MFAP5: variants seen among roughly 807,000 people sequenced by gnomAD.
MFAP5 encodes the protein microfibrillar-associated protein 5.
Under a neutral mutation model 30.1 loss-of-function variants are expected in MFAP5, and 19 were observed. That is an observed-to-expected ratio of 0.63 (90% CI 0.44 to 0.93). The LOEUF is 0.93. Ranked by LOEUF, MFAP5 falls within the 40% of genes least tolerant of loss-of-function variation. MFAP5 has a pLI of 0.00. For synonymous variants in MFAP5, 92 were observed against 72.9 expected, an observed-to-expected ratio of 1.26 and a Z score of -1.33; for missense variants, 210 against 221.3, an observed-to-expected ratio of 0.95 and a Z score of 0.32.
intron 3 of MFAP5, among the ~76,000 whole-genome samples, chr12:8,658,232 C>T (rs12298998): frequency 0.033 from 5,025 of 152,118 alleles, 249 homozygotes; most frequent in African/African-American, 0.11. Context: ...TGCCTGTAGT[C>T]CCAATTACTC....
rs61055144 is a variant in MFAP5 at position 8,654,126 on chromosome 12, C to CAA, written c.217+309_217+310dup. ...GGACGACAAGAGCAATAATCCGTCT[C>CAA]AAAAAAAAAAAAAAAAAAAATTCAG... On this transcript the variant is annotated intron_variant, in intron 6 of 9. Coordinates refer to ENST00000359478, the MANE Select transcript of MFAP5 (RefSeq NM_003480.4). 11,769 of 112,792 alleles carry CAA rather than the reference C, an allele frequency of 0.1. 481 individuals are homozygous for CAA. The highest frequency in any genetic ancestry group is 0.16 in the African/African-American group (3,571 of 22,812). 7.0% of individuals were successfully genotyped at this position (112,792 alleles called of 1,614,324 possible).
intron 3 of MFAP5, among the ~76,000 whole-genome samples, chr12:8,659,327 A>G (rs1452016015): frequency 6.6e-6 from 1 of 151,336 alleles, no homozygotes; most frequent in Non-Finnish European, 1.5e-5. Flanking sequence ...AAAAAAATAA[A>G]AGGGTCTCAC....
At chr12:8,654,116 T>G (rs56941823) in intron 6 of MFAP5, 15,325 of 202,368 alleles carry the variant, frequency 0.076, 682 homozygotes, top group African/African-American at 0.13. Flanking sequence ...ACAAGAGCAA[T>G]AATCCGTCTC....
At chr12:8,661,996 G>C in intron 2 of MFAP5, 51 bp downstream of exon 2, 1 of 1,535,732 alleles carries the variant, frequency 6.5e-7, no homozygotes, top group Non-Finnish European at 9.0e-7. Context: ...TGCCACACAC[G>C]TGTATAGCTG....
chr12:8,661,697 T>C (rs1374959454), intron 2 of MFAP5, among the ~76,000 whole-genome samples: 2 of 152,044 alleles, frequency 1.3e-5, no homozygotes, highest in Non-Finnish European at 2.9e-5. Flanking sequence ...TCTTTCTAGG[T>C]AGTCCCTCCT....
chr12:8,662,297 T>G, intron 1 of MFAP5, 191 bp from the exon 2 acceptor site: 2 of 574,942 alleles, frequency 3.5e-6, no homozygotes, highest in Non-Finnish European at 6.1e-6. Context: ...CTCAAATCTA[T>G]TCCTTGGTCA....
Position 8,650,545 on chromosome 12 carries a change from G to A in MFAP5, c.292C>T (p.His98Tyr), listed in dbSNP as rs1565522628. The change falls in exon 8 of 10, where the codon CAT becomes TAT. Residue 98 changes from histidine to tyrosine, a missense_variant. By Grantham distance (83) the His-to-Tyr change is moderately conservative. Coordinates refer to ENST00000359478, the MANE Select transcript of MFAP5 (RefSeq NM_003480.4). The part of the protein sequence containing the change: ...KFTCTRLYSV[H>Y]RPVKQCIHQL... ...TGAATGCATTGTTTAACCGGCCGAT[G>A]CACAGAGTAGAGCCTTGTGCAGGTA... The A allele has an allele frequency of 4.3e-6, 7 of 1,614,002 alleles. No homozygotes were observed. The highest frequency in any genetic ancestry group is 5.9e-6 in the Non-Finnish European group (7 of 1,180,030).
chr12:8,648,285 C>T (rs921070408), intron 9 of MFAP5, 82 bp from the exon 10 acceptor site: 7 of 1,204,714 alleles, frequency 5.8e-6, no homozygotes, highest in Non-Finnish European at 7.1e-6. Flanking sequence ...GAAGACTTTT[C>T]AGTGTGGTGT....
chr12:8,656,094 T>A (rs1941975393), intron 3 of MFAP5, among the ~76,000 whole-genome samples: 1 of 145,670 alleles, frequency 6.9e-6, no homozygotes, highest in Non-Finnish European at 1.5e-5. Flanking sequence ...GGAGTCTCGC[T>A]CTGTCGCCCA....
intron 3 of MFAP5, among the ~76,000 whole-genome samples, chr12:8,656,046 G>C (rs1351552755): frequency 6.7e-6 from 1 of 149,012 alleles, no homozygotes; most frequent in African/African-American, 2.5e-5. Context: ...TTGTGATTTT[G>C]ACATTCATAA....
chr12:8,651,497 C>T (rs1338916915), intron 7 of MFAP5, among the ~76,000 whole-genome samples, 165 bp downstream of exon 7: 1 of 151,922 alleles, frequency 6.6e-6, no homozygotes, highest in Non-Finnish European at 1.5e-5. Context: ...GACAGGTGCT[C>T]ATTTTTTTAA....
At chr12:8,650,312 G>T in intron 8 of MFAP5, 190 bp downstream of exon 8, 2 of 582,954 alleles carry the variant, frequency 3.4e-6, no homozygotes, top group Non-Finnish European at 6.2e-6. Flanking sequence ...CTATTACTCT[G>T]CCTGTTCTTT....
chr12:8,652,466 A>G (rs1565523766), intron 6 of MFAP5, among the ~76,000 whole-genome samples: 1 of 151,896 alleles, frequency 6.6e-6, no homozygotes, highest in Non-Finnish European at 1.5e-5. Context: ...ATAAATAAAT[A>G]AATAAATAAA....
At chr12:8,659,871 A>T (rs144019188) in intron 3 of MFAP5, among the ~76,000 whole-genome samples, 122 of 152,306 alleles carry the variant, frequency 8.0e-4, no homozygotes, top group African/African-American at 2.8e-3. Context: ...AAAAATTAAT[A>T]CCAGTTGTGA....
chr12:8,656,416 A>ATTT (rs35361217), intron 3 of MFAP5, among the ~76,000 whole-genome samples: 74 of 91,864 alleles, frequency 8.1e-4, no homozygotes, highest in African/African-American at 2.9e-3. Flanking sequence ...GGTAGTATTG[A>ATTT]TTTTTTTTTT....
chr12:8,648,410 C>T, intron 9 of MFAP5: 1 of 970,732 alleles, frequency 1.0e-6, no homozygotes. Flanking sequence ...CTATCCCTTT[C>T]TGTAAAATGA....
chr12:8,648,165 TC>T lies in MFAP5; in HGVS notation c.447del (p.Arg150AspfsTer27), dbSNP rs1308753563. 1.2e-5 allele frequency: 20 copies of T among 1,613,892 alleles called. No individual in the cohort carries two copies. The highest frequency in any genetic ancestry group is 1.7e-5 in the Non-Finnish European group (20 of 1,179,852). On this transcript the variant is annotated frameshift_variant, in exon 10 of 10. Transcript: ENST00000359478. LOFTEE classifies it high-confidence loss of function. Reference protein sequence around the residue: ...LCRQMAGLPPRRLRRSNYFRL... With the variant: ...LCRQMAGLPPXRLRRSNYFRL... ...CGGAAGTAATTGGAGCGACGGAGTC[TC>T]CTAGGGGGCAGACCAGCCATCTGAC...
chr12:8,651,545 T>G, intron 7 of MFAP5, 117 bp downstream of exon 7: 13 of 1,060,166 alleles, frequency 1.2e-5, no homozygotes, highest in Middle Eastern at 2.1e-4. Context: ...TAATACTCTT[T>G]GAGAAATAAT....
chr12:8,654,339 T>C, intron 6 of MFAP5, 98 bp downstream of exon 6: 1 of 1,236,132 alleles, frequency 8.1e-7, no homozygotes, highest in Non-Finnish European at 1.1e-6. Context: ...TCATCCTGTC[T>C]TTTTAGGATC....
Sources: gnomAD v4.1 joint callset for allele counts (sites outside exome capture counted in the v4.1 genomes callset) on GRCh38, gnomAD v4.1.1 for gene constraint, MANE v1.5 for transcripts, NCBI Gene and HGNC (gene_info 2026-07-23, HGNC 2026-07-21) for gene names.